Variants in TMEM74 observed in about 807,000 individuals in gnomAD.
TMEM74 encodes the protein transmembrane protein 74.
Under a neutral mutation model 18.1 loss-of-function variants are expected in TMEM74, and 13 were observed. That is an observed-to-expected ratio of 0.72 (90% CI 0.47 to 1.14). TMEM74 has a LOEUF of 1.14. TMEM74 is among the 50% of genes most tolerant of loss of function. The probability of loss-of-function intolerance (pLI) is 0.00; values close to 1 mark genes in which losing one functional copy is unlikely to be tolerated. For missense variants in TMEM74, 372 were observed against 375.9 expected, an observed-to-expected ratio of 0.99 and a Z score of 0.09; for synonymous variants, 159 against 146.6, an observed-to-expected ratio of 1.08 and a Z score of -0.61.
chr8:108,609,077 T>C (rs1812308158), intron 2 of TMEM74, among the ~76,000 whole-genome samples: 1 of 152,188 alleles, frequency 6.6e-6, no homozygotes, highest in African/African-American at 2.4e-5. Flanking sequence ...CTAGGTTTTA[T>C]AAAAGGTCTT....
rs553658273 is a variant in TMEM74, at chr8:108,698,817, ACT to A, written n.120-43382_120-43381del. On this transcript the variant is annotated intron_variant and non_coding_transcript_variant, in intron 1 of 3. Coordinates refer to the TMEM74 transcript ENST00000518838. ...TTACCACTTTTTTTTTCCTGTACTG[ACT>A]CTGTTCTTAAATACGAAGTAAAATG... is the stretch of plus-strand genomic sequence containing the variant. 1.1e-4 allele frequency among the ~76,000 whole-genome samples: 16 copies of A among 151,996 alleles called. No individual in the cohort carries two copies. The East Asian group carries it at 3.1e-3, about 29-fold the overall frequency.
intron 2 of TMEM74, among the ~76,000 whole-genome samples, chr8:108,609,970 G>T (rs1037108630): frequency 2.0e-5 from 3 of 152,082 alleles, no homozygotes; most frequent in Admixed American, 1.3e-4. Flanking sequence ...GAAGAAGAAA[G>T]ATAGTAAGAA....
chr8:108,612,806 TGAA>T (rs1563732093), intron 2 of TMEM74, among the ~76,000 whole-genome samples: 2 of 152,178 alleles, frequency 1.3e-5, no homozygotes, highest in Non-Finnish European at 1.5e-5. Context: ...TTCTTCAAGT[TGAA>T]GAAGAACTAT....
intron 1 of TMEM74, among the ~76,000 whole-genome samples, chr8:108,666,636 A>G (rs992937070): frequency 2.6e-5 from 4 of 152,112 alleles, no homozygotes; most frequent in African/African-American, 9.7e-5. Context: ...ACTCTTCATC[A>G]TCTTAGTATT....
intron 1 of TMEM74, among the ~76,000 whole-genome samples, chr8:108,702,343 T>TAAAA (rs1242874088): frequency 3.2e-5 from 3 of 95,054 alleles, no homozygotes; most frequent in Non-Finnish European, 6.2e-5. Context: ...AGACTCCATC[T>TAAAA]AAAAAAAAAA....
At chr8:108,627,842 C>G (rs954530745) in intron 2 of TMEM74, among the ~76,000 whole-genome samples, 1 of 152,068 alleles carries the variant, frequency 6.6e-6, no homozygotes, top group East Asian at 1.9e-4. Context: ...GACTTGAGGT[C>G]AGGAGTTTGA....
At chr8:108,763,933 A>G (rs1814073280) in intron 1 of TMEM74, among the ~76,000 whole-genome samples, 1 of 152,146 alleles carries the variant, frequency 6.6e-6, no homozygotes, top group Admixed American at 6.6e-5. Flanking sequence ...GTATTTTGGA[A>G]AAGAAAGTAA....
At chr8:108,768,543 T>A (rs1246008377) in intron 1 of TMEM74, among the ~76,000 whole-genome samples, 1 of 152,186 alleles carries the variant, frequency 6.6e-6, no homozygotes, top group Non-Finnish European at 1.5e-5. Context: ...ACATAGGTGT[T>A]GTCTCTGACA....
intron 1 of TMEM74, among the ~76,000 whole-genome samples, chr8:108,718,697 T>C (rs980252642): frequency 6.6e-6 from 1 of 152,162 alleles, no homozygotes; most frequent in Non-Finnish European, 1.5e-5. Context: ...TGTTGGTATA[T>C]GTATAAGTCA....
intron 1 of TMEM74, among the ~76,000 whole-genome samples, chr8:108,684,045 A>G (rs976468389): frequency 5.3e-5 from 8 of 152,134 alleles, no homozygotes; most frequent in African/African-American, 1.7e-4. Context: ...GGATATTGTG[A>G]ATATGACTGT....
At chr8:108,727,629 G>A (rs1475550572) in intron 1 of TMEM74, among the ~76,000 whole-genome samples, 1 of 152,174 alleles carries the variant, frequency 6.6e-6, no homozygotes, top group South Asian at 2.1e-4. Flanking sequence ...GAGGTGCTGG[G>A]AAAGCAGTTT....
intron 1 of TMEM74, among the ~76,000 whole-genome samples, chr8:108,717,278 A>G (rs1813535528): frequency 6.6e-6 from 1 of 152,194 alleles, no homozygotes; most frequent in Non-Finnish European, 1.5e-5. Flanking sequence ...AAAATATTAT[A>G]TTCCCTCAAT....
intron 1 of TMEM74, among the ~76,000 whole-genome samples, chr8:108,711,219 C>G (rs939949512): frequency 1.3e-5 from 2 of 152,168 alleles, no homozygotes; most frequent in Non-Finnish European, 2.9e-5. Context: ...AGTGATTTAC[C>G]TGAAGTTGTA....
Position 108,677,529 on chromosome 8 carries a change from G to A in TMEM74, n.120-22092C>T, listed in dbSNP as rs544914506. Among the ~76,000 whole-genome samples, 93 of 149,462 alleles carry A rather than the reference G, an allele frequency of 6.2e-4. 1 individual carries two copies. Among genetic ancestry groups the A allele is most frequent in the African/African-American group, 2.3e-3 (92 of 40,510 alleles). On this transcript the variant is annotated intron_variant and non_coding_transcript_variant, in intron 1 of 3. Coordinates refer to the TMEM74 transcript ENST00000518838. ...TTGGGGCTGAAGTCAGTTTCAAAAC[G>A]GCCTTAGTATTCTGTTGTTTTTTTT...
intron 1 of TMEM74, among the ~76,000 whole-genome samples, chr8:108,753,519 T>G (rs2130654421): frequency 6.6e-6 from 1 of 152,244 alleles, no homozygotes; most frequent in South Asian, 2.1e-4. Flanking sequence ...ACTTTAGGTG[T>G]TTCTTATTTG....
At chr8:108,705,070 C>A (rs367983339) in intron 1 of TMEM74, among the ~76,000 whole-genome samples, 1 of 152,156 alleles carries the variant, frequency 6.6e-6, no homozygotes, top group Non-Finnish European at 1.5e-5. Context: ...ATGATAGCAT[C>A]GAATTTTCTT....
rs559847899 is a variant in TMEM74, at chr8:108,608,233, C to T, written n.340-468G>A. On this transcript the variant is annotated intron_variant and non_coding_transcript_variant, in intron 3 of 3. Coordinates refer to the TMEM74 transcript ENST00000518838. Reference sequence around the variant, plus strand: ...AGGAGAATCGCTTGAACCTGGGAGACGGAGGCAGCAGTGAGCCGAGATTGT... The same window carrying T: ...AGGAGAATCGCTTGAACCTGGGAGATGGAGGCAGCAGTGAGCCGAGATTGT... Among the ~76,000 whole-genome samples the T allele has an allele frequency of 8.9e-5, 13 of 145,550 alleles. No individual in the cohort carries two copies. In the South Asian group the frequency reaches 2.4e-3, roughly 27 times the overall value.
chr8:108,718,258 C>G lies in TMEM74; in HGVS notation n.120-62821G>C, dbSNP rs1297485952. 2.0e-5 allele frequency among the ~76,000 whole-genome samples: 3 copies of G among 151,834 alleles called. 1 individual carries two copies. Among genetic ancestry groups the G allele is most frequent in the Non-Finnish European group, 4.4e-5 (3 of 67,992 alleles). On this transcript the variant is annotated intron_variant and non_coding_transcript_variant, in intron 1 of 3. Transcript: ENST00000518838. ...CAGGCGTGAGCCACCGCGCCCGGCCCTGACTTAGGTTTTAAAAGGACCCCC... is the reference window on the plus strand; with the variant it reads ...CAGGCGTGAGCCACCGCGCCCGGCCGTGACTTAGGTTTTAAAAGGACCCCC...
chr8:108,637,024 G>A (rs1812613626), intron 2 of TMEM74, among the ~76,000 whole-genome samples: 1 of 151,980 alleles, frequency 6.6e-6, no homozygotes, highest in African/African-American at 2.4e-5. Context: ...GAGGTTCCTT[G>A]GAATTAAAAT....
Sources: gnomAD v4.1 joint callset for allele counts (sites outside exome capture counted in the v4.1 genomes callset) on GRCh38, gnomAD v4.1.1 for gene constraint, MANE v1.5 for transcripts, NCBI Gene and HGNC (gene_info 2026-07-23, HGNC 2026-07-21) for gene names.